The following COQ8B variants were observed in gnomAD, a reference collection of about 807,000 sequenced individuals.
COQ8B encodes coenzyme Q8B.
COQ8B carries 44 observed loss-of-function variants against 62.0 expected under a neutral mutation model. The observed-to-expected ratio is 0.71, with a 90% CI of 0.56 to 0.91. The LOEUF (loss-of-function observed/expected upper bound fraction) is 0.91, where lower values mean the gene tolerates loss of function less well. Ranked by LOEUF, COQ8B falls within the 40% of genes least tolerant of loss-of-function variation. The pLI is 0.00. For missense variants in COQ8B, 649 were observed against 731.6 expected (o/e 0.89, Z 1.30); for synonymous variants, 252 against 289.9 (o/e 0.87, Z 1.33).
rs1221351708 is a variant in COQ8B, at chr19:40,712,427, AAAC to A, written c.289+1637_289+1639del. Among the ~76,000 whole-genome samples the A allele has an allele frequency of 2.0e-5, 3 of 151,674 alleles. No individual in the cohort carries two copies. The East Asian group carries it at 5.8e-4, about 29-fold the overall frequency. On this transcript the variant is annotated intron_variant, in intron 4 of 14. Coordinates refer to ENST00000324464, the MANE Select transcript of COQ8B (RefSeq NM_024876.4). ...GTCTCCCTAAGAAAAAAAAAAAAAA[AAAC>A]AACAAAAAATAGTTGGACGTGGTGG...
chr19:40,710,611 G>A (rs1420211327), intron 4 of COQ8B, among the ~76,000 whole-genome samples: 2 of 151,992 alleles, frequency 1.3e-5, no homozygotes, highest in Non-Finnish European at 2.9e-5. Context: ...TCCTGCATGG[G>A]GCTCCCTTTA....
At chr19:40,693,536 G>A (rs890311814) in intron 13 of COQ8B, among the ~76,000 whole-genome samples, 2 of 152,194 alleles carry the variant, frequency 1.3e-5, no homozygotes, top group African/African-American at 4.8e-5. Flanking sequence ...AGCGTGTGGA[G>A]CAGAGCAGCT....
intron 5 of COQ8B, among the ~76,000 whole-genome samples, chr19:40,707,603 A>G (rs1417491100): frequency 6.6e-6 from 1 of 151,990 alleles, no homozygotes; most frequent in African/African-American, 2.4e-5. Context: ...ACAGGCACCC[A>G]CCACCACATC....
chr19:40,692,247 G>A lies in COQ8B; in HGVS notation c.1423C>T (p.Arg475Trp), dbSNP rs776070003. 5.0e-6 allele frequency: 8 copies of A among 1,612,150 alleles called. No homozygotes were observed. The highest frequency in any genetic ancestry group is 1.1e-5 in the South Asian group (1 of 90,782). The change falls in exon 15 of 15, where the codon CGG (arginine) becomes TGG (tryptophan). Residue 475 changes from arginine (R) to tryptophan (W), a missense_variant. Transcript: ENST00000324464. ...RIQDLIPVLL[R>W]HRLCPPPEET... The stretch of plus-strand genomic sequence containing the variant: ...TCGGGTGGGGGACACAGCCGGTGCC[G>A]CAGCAGCACCGGGATGAGGTCCTGT...
intron 14 of COQ8B, among the ~76,000 whole-genome samples, 187 bp downstream of exon 14, chr19:40,692,764 C>T (rs896902416): frequency 2.6e-5 from 4 of 151,792 alleles, no homozygotes; most frequent in African/African-American, 9.7e-5. Context: ...CCTAGAGTCA[C>T]CCACTCCCCA....
chr19:40,714,142 T>A lies in COQ8B; in HGVS notation c.223-9A>T. ...CGAGAGCGGTCACTCAGCTGGGAAA[T>A]GGGGACAAGGTCTGAGGGTGGGAAA... On this transcript the variant is annotated splice_polypyrimidine_tract_variant and intron_variant, in intron 3 of 14. Coordinates refer to ENST00000324464, the MANE Select transcript of COQ8B (RefSeq NM_024876.4). 1 of 1,613,812 alleles carries A rather than the reference T, an allele frequency of 6.2e-7. No individual in the cohort carries two copies. Among genetic ancestry groups the A allele is most frequent in the Non-Finnish European group, 8.5e-7 (1 of 1,179,948 alleles).
intron 4 of COQ8B, among the ~76,000 whole-genome samples, chr19:40,711,369 C>T (rs1472086552): frequency 6.6e-6 from 1 of 151,986 alleles, no homozygotes; most frequent in Non-Finnish European, 1.5e-5. Context: ...GTAGCTGAGA[C>T]CACACGTGCA....
At chr19:40,692,410 G>T in intron 14 of COQ8B, 37 bp from the exon 15 acceptor site, 1 of 1,588,438 alleles carries the variant, frequency 6.3e-7, no homozygotes. Flanking sequence ...AAGGCAGCCA[G>T]TGTGGACATA....
chr19:40,699,536 A>C (rs2082045486), intron 12 of COQ8B, among the ~76,000 whole-genome samples: 1 of 152,002 alleles, frequency 6.6e-6, no homozygotes, highest in African/African-American at 2.4e-5. Context: ...ATGTCTTTTT[A>C]TTGCTGTCAA....
chr19:40,711,725 C>G (rs748855694), intron 4 of COQ8B, among the ~76,000 whole-genome samples: 19 of 152,202 alleles, frequency 1.2e-4, no homozygotes, highest in South Asian at 4.1e-4. Context: ...ATTACCATAT[C>G]TGGCATTTTC....
chr19:40,714,617 C>T lies in COQ8B; in HGVS notation c.16G>A (p.Gly6Arg). The T allele has an allele frequency of 6.2e-7, 1 of 1,608,178 alleles. No individual in the cohort carries two copies. Among genetic ancestry groups the T allele is most frequent in the Non-Finnish European group, 8.5e-7 (1 of 1,177,460 alleles). The stretch of plus-strand genomic sequence containing the variant: ...CCACCGGTCCCCCGAAGTAGGCCCC[C>T]CACCTTCAGCCACATTGCCTGGAGG... MWLKVGGLLRGTGGQL... is the reference protein window; with the variant it reads MWLKVRGLLRGTGGQL... The change falls in exon 2 of 15, where the codon GGG (glycine) becomes AGG (arginine). Residue 6 changes from glycine (G) to arginine (R), a missense_variant. By Grantham distance (125) the Gly-to-Arg change is moderately radical. Coordinates refer to ENST00000324464, the MANE Select transcript of COQ8B (RefSeq NM_024876.4).
intron 4 of COQ8B, among the ~76,000 whole-genome samples, chr19:40,710,745 A>C (rs1174416429): frequency 6.6e-6 from 1 of 151,936 alleles, no homozygotes; most frequent in East Asian, 1.9e-4. Flanking sequence ...CCCAGACTCC[A>C]CTCCCCAAAT....
In COQ8B at chr19:40,705,449, TG is replaced by T; in HGVS notation, c.368-3del. The T allele has an allele frequency of 6.5e-7, 1 of 1,549,678 alleles. No individual in the cohort carries two copies. The highest frequency in any genetic ancestry group is 1.2e-5 in the South Asian group (1 of 83,358). On this transcript the variant is annotated splice_region_variant and splice_polypyrimidine_tract_variant and intron_variant, in intron 5 of 14. Coordinates refer to ENST00000324464, the MANE Select transcript of COQ8B (RefSeq NM_024876.4). ...TGGAGTCCAGCCCAGAACCACCCTC[TG>T]GGGAGAGAACAACCATTAGAATTAT... is the stretch of plus-strand genomic sequence containing the variant.
intron 4 of COQ8B, 136 bp downstream of exon 4, chr19:40,713,931 C>A: frequency 1.1e-6 from 1 of 902,388 alleles, no homozygotes; most frequent in Non-Finnish European, 1.7e-6. Flanking sequence ...CTTGGCCTTG[C>A]AGGCCCTTGC....
chr19:40,704,361 G>C (rs2082084541), intron 7 of COQ8B: 1 of 154,166 alleles, frequency 6.5e-6, no homozygotes, highest in South Asian at 2.0e-4. Context: ...ATGTTGCCCA[G>C]GGTGGTCTGG....
chr19:40,694,901 T>C lies in COQ8B; in HGVS notation c.1209+1088A>G, dbSNP rs570859710. Reference sequence around the variant, plus strand: ...TCCCCCATCCCAGCCCTGTCCATGCTAGGTCCTCACTGTCGCCTCACTGAC... The same window carrying C: ...TCCCCCATCCCAGCCCTGTCCATGCCAGGTCCTCACTGTCGCCTCACTGAC... On this transcript the variant is annotated intron_variant, in intron 13 of 14. Transcript: ENST00000324464. 7.9e-5 allele frequency among the ~76,000 whole-genome samples: 12 copies of C among 152,282 alleles called. No homozygotes were observed. In the South Asian group the frequency reaches 2.5e-3, roughly 32 times the overall value.
intron 9 of COQ8B, chr19:40,703,331 CTA>C: frequency 3.5e-6 from 2 of 572,324 alleles, no homozygotes; most frequent in Non-Finnish European, 6.1e-6. Flanking sequence ...TCCCGTCTCT[CTA>C]AGGCTCTGTT....
At chr19:40,694,844 G>C (rs1165159666) in intron 13 of COQ8B, among the ~76,000 whole-genome samples, 1 of 152,124 alleles carries the variant, frequency 6.6e-6, no homozygotes, top group African/African-American at 2.4e-5. Context: ...GCTGGCTCAG[G>C]CTCCTCCTCT....
intron 1 of COQ8B, 115 bp from the exon 2 acceptor site, chr19:40,714,750 C>G (rs1420204955): frequency 6.2e-6 from 8 of 1,293,222 alleles, no homozygotes; most frequent in African/African-American, 4.6e-5. Flanking sequence ...ACTTCCTCCA[C>G]TATTAATAGA....
Sources: gnomAD v4.1 joint callset for allele counts (sites outside exome capture counted in the v4.1 genomes callset) on GRCh38, gnomAD v4.1.1 for gene constraint, MANE v1.5 for transcripts, NCBI Gene and HGNC (gene_info 2026-07-23, HGNC 2026-07-21) for gene names.